MYO3B: variants seen among roughly 807,000 people sequenced by gnomAD.
The protein encoded by MYO3B is myosin IIIB, also known as myosin-IIIb.
Under a neutral mutation model 174.6 loss-of-function variants are expected in MYO3B, and 156 were observed. That is an observed-to-expected ratio of 0.89 (90% confidence interval 0.78 to 1.02). The LOEUF is 1.02. MYO3B is among the 50% of genes least tolerant of loss of function. The probability of loss-of-function intolerance (pLI) is 0.00; values close to 1 mark genes in which losing one functional copy is unlikely to be tolerated. For missense variants in MYO3B, 1,632 were observed against 1,639.4 expected, an observed-to-expected ratio of 1.00 and a Z score of 0.08; for synonymous variants, 563 against 569.1, an observed-to-expected ratio of 0.99 and a Z score of 0.15.
chr2:170,448,790 G>GTTT (rs34511693), intron 23 of MYO3B, among the ~76,000 whole-genome samples: 2 of 148,512 alleles, frequency 1.3e-5, no homozygotes, highest in South Asian at 2.1e-4. Context: ...GTGTGCGATA[G>GTTT]TTTTTTTTTT....
intron 7 of MYO3B, among the ~76,000 whole-genome samples, chr2:170,240,814 A>T (rs2093122632): frequency 6.6e-6 from 1 of 152,198 alleles, no homozygotes; most frequent in Admixed American, 6.5e-5. Flanking sequence ...AGGTGAACAT[A>T]GGCTGTCTCT....
chr2:170,394,731 A>T (rs2094434442), intron 16 of MYO3B, among the ~76,000 whole-genome samples: 1 of 152,230 alleles, frequency 6.6e-6, no homozygotes, highest in African/African-American at 2.4e-5. Context: ...AAGAAGCAGG[A>T]TCTTCTCTCT....
intron 32 of MYO3B, among the ~76,000 whole-genome samples, chr2:170,615,016 T>TAAATGG (rs1177527267): frequency 5.9e-5 from 9 of 152,202 alleles, no homozygotes; most frequent in African/African-American, 2.2e-4. Context: ...TTCTGTTTCT[T>TAAATGG]ACATTAAATG....
chr2:170,558,169 C>T (rs1361758087), intron 32 of MYO3B, among the ~76,000 whole-genome samples: 9 of 151,864 alleles, frequency 5.9e-5, no homozygotes, highest in East Asian at 1.9e-4. Context: ...AGCATGGTGG[C>T]GGGCGCCTGT....
At chr2:170,624,697 T>G (rs1192219004) in intron 32 of MYO3B, among the ~76,000 whole-genome samples, 2 of 152,154 alleles carry the variant, frequency 1.3e-5, no homozygotes, top group Non-Finnish European at 2.9e-5. Flanking sequence ...ATATTGGCTG[T>G]GGGTTTGTCA....
chr2:170,400,145 A>G, intron 16 of MYO3B, 43 bp from the exon 17 acceptor site: 1 of 1,612,800 alleles, frequency 6.2e-7, no homozygotes. Flanking sequence ...CATTAGTTTG[A>G]CTGGCAATGA....
At chr2:170,224,882 A>T (rs544630954) in intron 6 of MYO3B, among the ~76,000 whole-genome samples, 1 of 152,296 alleles carries the variant, frequency 6.6e-6, no homozygotes, top group East Asian at 1.9e-4. Flanking sequence ...ACTAGCTTAC[A>T]CTAATGCAGA....
rs549502445 is a variant in MYO3B, at chr2:170,235,967, T to C, written c.604-24T>C. 5.3e-5 allele frequency: 85 copies of C among 1,613,382 alleles called. No individual in the cohort carries two copies. In the East Asian group the frequency reaches 1.1e-3, roughly 21 times the overall value. On this transcript the variant is annotated intron_variant, in intron 6 of 34. Transcript: ENST00000408978. The stretch of plus-strand genomic sequence containing the variant: ...CTGATGTGGCAGTAGGGTTGATGTG[T>C]CATGTCCTGCTTTTGTCCAATAGGT...
chr2:170,500,821 C>T (rs905153268), intron 27 of MYO3B, among the ~76,000 whole-genome samples: 8 of 152,208 alleles, frequency 5.3e-5, no homozygotes, highest in East Asian at 3.8e-4. Context: ...CCAGATGGAA[C>T]TTATAAACCA....
chr2:170,224,958 G>A (rs1410205939), intron 6 of MYO3B, among the ~76,000 whole-genome samples: 1 of 152,200 alleles, frequency 6.6e-6, no homozygotes, highest in Non-Finnish European at 1.5e-5. Flanking sequence ...TAAATGATAC[G>A]ATAATGCTAT....
chr2:170,247,827 A>G (rs773895492), intron 7 of MYO3B, among the ~76,000 whole-genome samples: 10 of 152,176 alleles, frequency 6.6e-5, no homozygotes, highest in Non-Finnish European at 1.3e-4. Flanking sequence ...CAGAGACCCC[A>G]TTTCCTACAA....
At position 170,190,338 on chromosome 2, in the gene MYO3B, G is replaced by A. The variant is rs2092524873; in HGVS notation, c.3-8870G>A. Among the ~76,000 whole-genome samples, 4 of 152,294 alleles carry A rather than the reference G, an allele frequency of 2.6e-5. No homozygotes were observed. The South Asian group carries it at 8.3e-4, about 32-fold the overall frequency. On this transcript the variant is annotated intron_variant, in intron 1 of 34. Transcript: ENST00000408978. ...TACTGGCTCTTGTCCAAGGCCTGCA[G>A]TAACCACTGCCTGGCTACTGCCTAC...
At chr2:170,269,621 G>A (rs1384504826) in intron 7 of MYO3B, among the ~76,000 whole-genome samples, 2 of 152,164 alleles carry the variant, frequency 1.3e-5, no homozygotes, top group South Asian at 2.1e-4. Flanking sequence ...GGCATGCCAC[G>A]TAAGTTCATT....
intron 7 of MYO3B, among the ~76,000 whole-genome samples, chr2:170,291,250 GA>G (rs1250045064): frequency 1.3e-5 from 2 of 151,858 alleles, no homozygotes; most frequent in African/African-American, 2.4e-5. Flanking sequence ...GACTCCATTT[GA>G]AAAAAAGAAA....
At chr2:170,369,515 T>C in intron 9 of MYO3B, 138 bp downstream of exon 9, 2 of 947,330 alleles carry the variant, frequency 2.1e-6, no homozygotes, top group South Asian at 2.0e-5. Context: ...TGACATTAAG[T>C]ACTCCATGCC....
intron 14 of MYO3B, among the ~76,000 whole-genome samples, chr2:170,387,601 G>T (rs1380431465): frequency 1.3e-5 from 2 of 152,028 alleles, no homozygotes; most frequent in Admixed American, 6.6e-5. Flanking sequence ...AAACCCTGAG[G>T]CCCCTTAAAA....
intron 22 of MYO3B, among the ~76,000 whole-genome samples, chr2:170,417,292 C>T (rs1273763964): frequency 6.6e-6 from 1 of 152,278 alleles, no homozygotes; most frequent in South Asian, 2.1e-4. Context: ...TATCCCTGCC[C>T]CCACTCCATG....
chr2:170,206,951 C>T lies in MYO3B; in HGVS notation c.321+6667C>T, dbSNP rs1424650. ...TCCTTATTTAAACTCTAACCTTATC[C>T]CTGTCCCCAAATAGAGCATGAAGTT... On this transcript the variant is annotated intron_variant, in intron 3 of 34. Coordinates refer to ENST00000408978, the MANE Select transcript of MYO3B (RefSeq NM_138995.5). This position sits in a 1 kb window ranked among gnomAD's most constrained non-coding sequence, Gnocchi z 4.3. 0.38 allele frequency among the ~76,000 whole-genome samples: 57,362 copies of T among 151,954 alleles called. 10,837 individuals are homozygous for T. The highest frequency in any genetic ancestry group is 0.46 in the East Asian group (2,351 of 5,154).
chr2:170,264,998 A>G (rs2093371898), intron 7 of MYO3B, among the ~76,000 whole-genome samples: 1 of 152,190 alleles, frequency 6.6e-6, no homozygotes, highest in Non-Finnish European at 1.5e-5. Context: ...GATATGTGAG[A>G]GGAGATAATT....
Sources: gnomAD v4.1 joint callset for allele counts (sites outside exome capture counted in the v4.1 genomes callset) on GRCh38, gnomAD v4.1.1 for gene constraint, Gnocchi (gnomAD v3.1) non-coding constraint, MANE v1.5 for transcripts, NCBI Gene and HGNC (gene_info 2026-07-23, HGNC 2026-07-21) for gene names.